Variants in EPHA6 observed in about 807,000 individuals in gnomAD.
The protein encoded by EPHA6 is EPH receptor A6.
EPHA6 carries 50 observed loss-of-function variants against 112.0 expected under a neutral mutation model. The observed-to-expected ratio is 0.45, with a 90% CI of 0.36 to 0.56. EPHA6 has a LOEUF of 0.56. EPHA6 is among the 20% of genes least tolerant of loss of function. The probability of loss-of-function intolerance (pLI) is 0.00; values close to 1 mark genes in which losing one functional copy is unlikely to be tolerated. For missense variants in EPHA6, 1,280 were observed against 1,417.4 expected, an observed-to-expected ratio of 0.90 and a Z score of 1.56; for synonymous variants, 529 against 490.7, an observed-to-expected ratio of 1.08 and a Z score of -1.03.
chr3:97,036,940 A>T (rs907687224), intron 3 of EPHA6, among the ~76,000 whole-genome samples: 13 of 151,806 alleles, frequency 8.6e-5, no homozygotes, highest in African/African-American at 3.1e-4. Flanking sequence ...CAGTTATGTG[A>T]CTCGCCGACC....
rs540291975 is a variant in EPHA6, at chr3:97,106,340, C to T, written c.1114+118347C>T. On this transcript the variant is annotated intron_variant, in intron 3 of 17. Transcript: ENST00000389672. ...CTTTTTTTTTCTATGGTTTCCAAAC[C>T]CTCAGAATTTCCCCCAATCTCAATT... 3.3e-5 allele frequency among the ~76,000 whole-genome samples: 5 copies of T among 151,934 alleles called. No individual in the cohort carries two copies. The East Asian group carries it at 9.7e-4, about 30-fold the overall frequency.
intron 14 of EPHA6, among the ~76,000 whole-genome samples, chr3:97,664,106 T>C (rs1009029743): frequency 2.4e-4 from 37 of 152,248 alleles, no homozygotes; most frequent in Admixed American, 5.9e-4. Context: ...CATTTTTTCA[T>C]GTGTGTTTTG....
intron 2 of EPHA6, among the ~76,000 whole-genome samples, chr3:96,920,466 C>T (rs1362279429): frequency 1.3e-5 from 2 of 151,822 alleles, no homozygotes; most frequent in African/African-American, 4.8e-5. Flanking sequence ...ACTTTAGTGC[C>T]AAAGACCCAA....
chr3:97,024,796 A>G (rs1025192845), intron 3 of EPHA6, among the ~76,000 whole-genome samples: 1 of 152,098 alleles, frequency 6.6e-6, no homozygotes, highest in Admixed American at 6.6e-5. Context: ...TTTCCTTCCT[A>G]TTTTAGTGTT....
intron 3 of EPHA6, among the ~76,000 whole-genome samples, chr3:97,223,330 C>G (rs913834437): frequency 2.0e-5 from 3 of 151,960 alleles, no homozygotes; most frequent in Middle Eastern, 3.2e-3. Context: ...AATATTGCAG[C>G]AGGGTGTAGC....
intron 7 of EPHA6, among the ~76,000 whole-genome samples, chr3:97,457,744 T>G (rs192507028): frequency 6.6e-5 from 10 of 152,096 alleles, no homozygotes; most frequent in African/African-American, 2.2e-4. Context: ...ACCCAGCCAG[T>G]TCCACAAAGT....
At chr3:96,894,519 C>T (rs936902881) in intron 2 of EPHA6, among the ~76,000 whole-genome samples, 1 of 151,768 alleles carries the variant, frequency 6.6e-6, no homozygotes, top group African/African-American at 2.4e-5. Context: ...AGGAATACAC[C>T]GAGAAAACAC....
At chr3:97,406,754 G>T (rs1267330737) in intron 6 of EPHA6, among the ~76,000 whole-genome samples, 2 of 152,054 alleles carry the variant, frequency 1.3e-5, no homozygotes, top group Non-Finnish European at 2.9e-5. Context: ...TAAATCCATA[G>T]CCTAAGAAAG....
intron 7 of EPHA6, among the ~76,000 whole-genome samples, chr3:97,469,389 T>TA (rs1468846087): frequency 6.6e-6 from 1 of 151,758 alleles, no homozygotes; most frequent in African/African-American, 2.4e-5. Flanking sequence ...ATATGTGAAG[T>TA]AAAACTGTGA....
intron 10 of EPHA6, among the ~76,000 whole-genome samples, chr3:97,504,640 C>G (rs1184135769): frequency 6.6e-6 from 1 of 152,104 alleles, no homozygotes; most frequent in African/African-American, 2.4e-5. Flanking sequence ...TCAGGCTGTT[C>G]TTTTGTTTGA....
intron 3 of EPHA6, among the ~76,000 whole-genome samples, chr3:97,043,724 C>A (rs2045400599): frequency 6.6e-6 from 1 of 152,068 alleles, no homozygotes; most frequent in Non-Finnish European, 1.5e-5. Flanking sequence ...TAAAATTTAG[C>A]AAGTATAAAA....
chr3:97,587,240 CA>C (rs1160922047), intron 11 of EPHA6, among the ~76,000 whole-genome samples: 212 of 128,038 alleles, frequency 1.7e-3, no homozygotes, highest in Middle Eastern at 4.0e-3. Context: ...GACTCCGTCT[CA>C]AAAAAAAAAA....
At chr3:97,443,359 C>CAAAAAAAAAAAAAAAAAAAAAAAAA (rs5851066) in intron 6 of EPHA6, among the ~76,000 whole-genome samples, 1 of 68,260 alleles carries the variant, frequency 1.5e-5, no homozygotes, top group African/African-American at 5.1e-5. Flanking sequence ...TAAGACATCG[C>CAAAAAAAAAAAAAAAAAAAAAAAAA]AAAAAAAAAA....
chr3:97,333,138 A>G (rs778314746), intron 5 of EPHA6, among the ~76,000 whole-genome samples: 2 of 152,028 alleles, frequency 1.3e-5, no homozygotes, highest in Non-Finnish European at 2.9e-5. Context: ...TTTGATTTCT[A>G]TTATCAACAT....
intron 1 of EPHA6, among the ~76,000 whole-genome samples, chr3:96,832,323 A>T (rs1458514221): frequency 6.6e-6 from 1 of 152,074 alleles, no homozygotes; most frequent in Non-Finnish European, 1.5e-5. Context: ...CCATCGATAG[A>T]ATATTAACAA....
intron 3 of EPHA6, among the ~76,000 whole-genome samples, chr3:97,005,475 C>T (rs753974571): frequency 2.0e-5 from 3 of 151,976 alleles, no homozygotes; most frequent in African/African-American, 4.8e-5. Context: ...TTATATTCTG[C>T]GACTTTGCTG....
At chr3:97,656,586 TC>T (rs1380164882) in intron 14 of EPHA6, among the ~76,000 whole-genome samples, 4 of 152,004 alleles carry the variant, frequency 2.6e-5, no homozygotes, top group African/African-American at 9.7e-5. Flanking sequence ...TACCTTTTTT[TC>T]TTTTTCATTT....
chr3:97,167,594 A>G (rs2076572993), intron 3 of EPHA6, among the ~76,000 whole-genome samples: 1 of 152,136 alleles, frequency 6.6e-6, no homozygotes, highest in African/African-American at 2.4e-5. Flanking sequence ...CTGAGTATTA[A>G]TAACAAAGCT....
chr3:97,472,500 G>C (rs1462223548), intron 7 of EPHA6, among the ~76,000 whole-genome samples: 5 of 151,714 alleles, frequency 3.3e-5, no homozygotes, highest in Admixed American at 6.6e-5. Context: ...ACATACGCTA[G>C]AGCCATTTGT....
Sources: gnomAD v4.1 joint callset for allele counts (sites outside exome capture counted in the v4.1 genomes callset) on GRCh38, gnomAD v4.1.1 for gene constraint, MANE v1.5 for transcripts, NCBI Gene and HGNC (gene_info 2026-07-23, HGNC 2026-07-21) for gene names.